Variants in CWC27 observed in about 807,000 individuals in gnomAD.
CWC27 encodes spliceosome-associated protein CWC27 homolog.
Under a neutral mutation model 63.6 loss-of-function variants are expected in CWC27, and 47 were observed. The observed-to-expected ratio is 0.74, with a 90% confidence interval of 0.58 to 0.94. The LOEUF (loss-of-function observed/expected upper bound fraction) is 0.94, where lower values mean the gene tolerates loss of function less well. Ranked by LOEUF, CWC27 falls within the 40% of genes least tolerant of loss-of-function variation. The pLI, the probability that CWC27 is intolerant of heterozygous loss-of-function variation, is 0.00. For missense variants in CWC27, 495 were observed against 554.3 expected (o/e 0.89, Z 1.07); for synonymous variants, 175 against 179.8 (o/e 0.97, Z 0.22).
At chr5:64,850,738 A>G (rs1746113133) in intron 10 of CWC27, among the ~76,000 whole-genome samples, 1 of 152,186 alleles carries the variant, frequency 6.6e-6, no homozygotes, top group Non-Finnish European at 1.5e-5. Context: ...CAAAAAAATT[A>G]AAACCTGGGG....
intron 1 of CWC27, among the ~76,000 whole-genome samples, chr5:64,771,622 T>C (rs898559183): frequency 6.6e-6 from 1 of 152,250 alleles, no homozygotes; most frequent in Non-Finnish European, 1.5e-5. Context: ...TAGGGGTCTG[T>C]CTTCCTGTTG....
chr5:64,991,284 G>A (rs1749531836), intron 13 of CWC27, among the ~76,000 whole-genome samples: 1 of 151,928 alleles, frequency 6.6e-6, no homozygotes, highest in Admixed American at 6.6e-5. Context: ...TAACCTGCCA[G>A]AGATAGGAAT....
intron 11 of CWC27, among the ~76,000 whole-genome samples, chr5:64,928,082 G>A (rs1443374499): frequency 6.6e-6 from 1 of 151,884 alleles, no homozygotes; most frequent in Non-Finnish European, 1.5e-5. Flanking sequence ...TTGAACACGG[G>A]AGGCCAAGGT....
intron 11 of CWC27, among the ~76,000 whole-genome samples, chr5:64,926,735 G>GA (rs969509183): frequency 4.0e-5 from 6 of 150,508 alleles, no homozygotes; most frequent in South Asian, 2.1e-4. Context: ...CAAATAAAGA[G>GA]AAAAAAAAAT....
At chr5:64,874,557 C>G (rs1341306545) in intron 10 of CWC27, among the ~76,000 whole-genome samples, 5 of 152,058 alleles carry the variant, frequency 3.3e-5, no homozygotes, top group Admixed American at 6.6e-5. Flanking sequence ...ACCTTCACCT[C>G]CCAAGTTGAA....
At chr5:64,810,764 A>G (rs916534877) in intron 10 of CWC27, among the ~76,000 whole-genome samples, 2 of 152,062 alleles carry the variant, frequency 1.3e-5, no homozygotes, top group East Asian at 3.9e-4. Context: ...TCCCAAACAC[A>G]TACCTCCTTG....
intron 6 of CWC27, 100 bp from the exon 7 acceptor site, chr5:64,788,851 C>A: frequency 4.0e-6 from 3 of 742,674 alleles, no homozygotes; most frequent in Non-Finnish European, 6.6e-6. Flanking sequence ...GAATGTATTT[C>A]TTCTTGTAAA....
chr5:64,800,342 G>A lies in CWC27; in HGVS notation c.749+15G>A, dbSNP rs1474891334. ...GTTGTAGAAAGGTTAGTCCATTGTT[G>A]GTATGATCCTAAGTTCTTAATTTTC... On this transcript the variant is annotated intron_variant, in intron 8 of 13. Transcript: ENST00000381070. The A allele has an allele frequency of 6.4e-7, 1 of 1,568,682 alleles. No individual in the cohort carries two copies. The highest frequency in any genetic ancestry group is 8.7e-7 in the Non-Finnish European group (1 of 1,143,094).
intron 11 of CWC27, among the ~76,000 whole-genome samples, chr5:64,936,528 C>G (rs1355148573): frequency 6.6e-6 from 1 of 152,158 alleles, no homozygotes; most frequent in African/African-American, 2.4e-5. Context: ...ATTTTCACAT[C>G]AATGTTCATC....
chr5:64,932,280 C>G lies in CWC27; in HGVS notation c.1043-39423C>G, dbSNP rs377184462. 9.9e-5 allele frequency among the ~76,000 whole-genome samples: 15 copies of G among 152,194 alleles called. No homozygotes were observed. In the East Asian group the frequency reaches 1.3e-3, roughly 14 times the overall value. On this transcript the variant is annotated intron_variant, in intron 11 of 13. Coordinates refer to ENST00000381070, the MANE Select transcript of CWC27 (RefSeq NM_005869.4). The stretch of plus-strand genomic sequence containing the variant: ...AACAAACCTGTAGAGTGTATGCACA[C>G]CTTCAACTCCTCCAGATATTGCCAT...
chr5:64,776,978 T>G (rs1467210855), intron 2 of CWC27, among the ~76,000 whole-genome samples: 1 of 152,018 alleles, frequency 6.6e-6, no homozygotes, highest in Non-Finnish European at 1.5e-5. Flanking sequence ...ACATTTAAAA[T>G]GAGTGGAACT....
chr5:64,993,837 C>A (rs1749584529), intron 13 of CWC27, among the ~76,000 whole-genome samples: 1 of 152,084 alleles, frequency 6.6e-6, no homozygotes, highest in Admixed American at 6.5e-5. Flanking sequence ...GAAGCCAGTG[C>A]AAAGACAGTT....
At position 64,937,921 on chromosome 5, in the gene CWC27, C is replaced by CTTTTTTTTTTTTTTTTTTT. The variant is rs1211082437; in HGVS notation, c.1043-33781_1043-33763dup. Among the ~76,000 whole-genome samples, 19 of 99,292 alleles carry CTTTTTTTTTTTTTTTTTTT rather than the reference C, an allele frequency of 1.9e-4. 1 individual carries two copies. Among genetic ancestry groups the CTTTTTTTTTTTTTTTTTTT allele is most frequent in the African/African-American group, 4.4e-4 (10 of 22,538 alleles). The allele number at this position is 99,292 out of a possible 152,430, so 65.1% of individuals were successfully genotyped here. ...TCAGAGACTGGGATTGCAATCTCTGCTTTTTTTTTTTTTTTTTTTGCTTTC... is the reference window on the plus strand; with the variant it reads ...TCAGAGACTGGGATTGCAATCTCTGCTTTTTTTTTTTTTTTTTTTTTTTTTTTTTTTTTTTTTTGCTTTC... On this transcript the variant is annotated intron_variant, in intron 11 of 13. Coordinates refer to ENST00000381070, the MANE Select transcript of CWC27 (RefSeq NM_005869.4).
rs142129041 is a variant in CWC27, at chr5:64,974,819, C to G, written c.1153-2316C>G. Reference sequence around the variant, plus strand: ...TGGTAGGATAATAGTTATTTTACTTCTATTTTTCAATATTTTTACAGTAAT... The same window carrying G: ...TGGTAGGATAATAGTTATTTTACTTGTATTTTTCAATATTTTTACAGTAAT... On this transcript the variant is annotated intron_variant, in intron 12 of 13. Coordinates refer to ENST00000381070, the MANE Select transcript of CWC27 (RefSeq NM_005869.4). Among the ~76,000 whole-genome samples, 64 of 152,196 alleles carry G rather than the reference C, an allele frequency of 4.2e-4. 1 individual carries two copies. In the Middle Eastern group the frequency reaches 0.02, roughly 49 times the overall value.
chr5:64,902,530 A>G (rs956865936), intron 11 of CWC27, among the ~76,000 whole-genome samples: 1 of 152,194 alleles, frequency 6.6e-6, no homozygotes, highest in African/African-American at 2.4e-5. Flanking sequence ...TGAATTGCCC[A>G]TATATACATG....
At chr5:64,934,104 T>C (rs1471347161) in intron 11 of CWC27, among the ~76,000 whole-genome samples, 2 of 152,212 alleles carry the variant, frequency 1.3e-5, no homozygotes, top group Non-Finnish European at 2.9e-5. Flanking sequence ...TGTTTTGTTT[T>C]GTTTTGTTTG....
At chr5:64,786,177 A>G (rs894415825) in intron 5 of CWC27, among the ~76,000 whole-genome samples, 3 of 146,572 alleles carry the variant, frequency 2.0e-5, no homozygotes, top group Non-Finnish European at 4.4e-5. Flanking sequence ...AAAAAAAAAA[A>G]AAAAAAAAGA....
intron 13 of CWC27, among the ~76,000 whole-genome samples, chr5:64,997,618 A>G (rs1168073643): frequency 6.6e-6 from 1 of 152,138 alleles, no homozygotes; most frequent in African/African-American, 2.4e-5. Context: ...TTTCTATCAT[A>G]ATTCTTACCA....
chr5:64,880,901 A>G (rs1449837210), intron 10 of CWC27, among the ~76,000 whole-genome samples: 2 of 132,410 alleles, frequency 1.5e-5, no homozygotes, highest in African/African-American at 5.8e-5. Flanking sequence ...CTAGGCTTTG[A>G]GGAGGCCAAG....
Sources: allele counts gnomAD v4.1 joint callset (sites outside exome capture counted in the v4.1 genomes callset), GRCh38; gene constraint gnomAD v4.1.1; transcripts MANE v1.5; gene names NCBI Gene and HGNC (gene_info 2026-07-23, HGNC 2026-07-21).